Variants in HLA-DQA2 observed in about 807,000 individuals in gnomAD.
HLA-DQA2 encodes HLA class II histocompatibility antigen, DQ alpha 2 chain.
HLA-DQA2 carries 17 observed loss-of-function variants against 21.0 expected under a neutral mutation model. The ratio of observed to expected loss-of-function variants is 0.81; its 90% CI spans 0.56 to 1.22. The LOEUF (loss-of-function observed/expected upper bound fraction) is 1.22, where lower values mean the gene tolerates loss of function less well. Ranked by LOEUF, HLA-DQA2 falls within the 50% of genes most tolerant of loss-of-function variation. HLA-DQA2 has a pLI of 0.00. For missense variants in HLA-DQA2, 239 were observed against 308.8 expected (o/e 0.77, Z 1.69); for synonymous variants, 81 against 116.5 (o/e 0.70, Z 1.96).
intron 1 of HLA-DQA2, among the ~76,000 whole-genome samples, chr6:32,744,673 T>TG (rs373588886): frequency 1.1e-5 from 1 of 89,066 alleles, no homozygotes; most frequent in African/African-American, 4.3e-5. Context: ...TTCTTTGGTT[T>TG]AAAAAAAAAA....
rs756475269 is a variant in HLA-DQA2 at position 32,745,805 on chromosome 6, A to C, written c.346A>C (p.Thr116Pro). ...TAATNEVPEV[T>P]VFSKFPVTLG... The stretch of plus-strand genomic sequence containing the variant: ...CCTCACCACAGAGGTTCCTGAGGTC[A>C]CAGTGTTTTCCAAGTTTCCTGTGAC... Residue 116 changes from threonine (T) to proline (P), a missense_variant, in exon 3 of 5, where the codon ACA (threonine) becomes CCA (proline). Physicochemically the swap from Thr to Pro is conservative, Grantham distance 38 (BLOSUM62 -1). Coordinates refer to ENST00000374940, the MANE Select transcript of HLA-DQA2 (RefSeq NM_020056.5). The C allele has an allele frequency of 2.5e-6, 4 of 1,613,104 alleles. No individual in the cohort carries two copies. The highest frequency in any genetic ancestry group is 3.4e-6 in the Non-Finnish European group (4 of 1,180,040).
At chr6:32,743,914 C>A (rs16870693) in intron 1 of HLA-DQA2, among the ~76,000 whole-genome samples, 10,559 of 152,116 alleles carry the variant, frequency 0.069, 806 homozygotes, top group African/African-American at 0.18. Flanking sequence ...GTAGAAACCT[C>A]AAGGATGAAT....
intron 3 of HLA-DQA2, 69 bp downstream of exon 3, chr6:32,746,141 C>A: frequency 6.8e-7 from 1 of 1,462,620 alleles, no homozygotes; most frequent in East Asian, 3.0e-5. Context: ...AAGCCTGGGG[C>A]CTTGAGTCTT....
rs3040582 is a variant in HLA-DQA2, at chr6:32,747,183, C to CAAAAAAAAAAAAAAA, written c.*623_*637dup. ...GCTCAGAATGGTTATAGCAGAAATA[C>CAAAAAAAAAAAAAAA]AAAAAAAAAAAAAAAGTCTGTACTA... is the stretch of plus-strand genomic sequence containing the variant. On this transcript the variant is annotated 3_prime_UTR_variant, in exon 5 of 5. Transcript: ENST00000374940. 5 of 126,110 alleles carry CAAAAAAAAAAAAAAA rather than the reference C, an allele frequency of 4.0e-5. No homozygotes were observed. Among genetic ancestry groups the CAAAAAAAAAAAAAAA allele is most frequent in the East Asian group, 2.1e-4 (1 of 4,670 alleles). 7.8% of individuals were successfully genotyped at this position (126,110 alleles called of 1,614,324 possible).
rs1763625570 is a variant in HLA-DQA2, at chr6:32,746,714, C to T, written c.*153C>T. 1 of 593,456 alleles carries T rather than the reference C, an allele frequency of 1.7e-6. No homozygotes were observed. Among genetic ancestry groups the T allele is most frequent in the Non-Finnish European group, 3.2e-6 (1 of 317,130 alleles). The allele number at this position is 593,456 out of a possible 1,614,324, so 36.8% of individuals were successfully genotyped here. ...CACCTCTTCTCTGGGACTTAAGGTG[C>T]TATATTCCCTCAGAGCTCACAAATG... On this transcript the variant is annotated 3_prime_UTR_variant, in exon 5 of 5. Transcript: ENST00000374940.
At chr6:32,742,500 C>A (rs770547056) in intron 1 of HLA-DQA2, among the ~76,000 whole-genome samples, 1 of 152,200 alleles carries the variant, frequency 6.6e-6, no homozygotes, top group Non-Finnish European at 1.5e-5. Flanking sequence ...CCATCTCTGA[C>A]TCCCTGCTCC....
rs1763599932 is a variant in HLA-DQA2 at position 32,746,400 on chromosome 6, A to T, written c.*6A>T. 6.3e-7 allele frequency: 1 copy of T among 1,577,090 alleles called. No homozygotes were observed. Among genetic ancestry groups the T allele is most frequent in the Non-Finnish European group, 8.6e-7 (1 of 1,163,628 alleles). On this transcript the variant is annotated 3_prime_UTR_variant, in exon 4 of 5. Transcript: ENST00000374940. ...GACACCAAGGGCTCTTATGAATCCC[A>T]TCCTGAAAAGGAAGGTAAGATTGAG...
rs375416271 is a variant in HLA-DQA2 at position 32,745,153 on chromosome 6, C to T, written c.83-6C>T. 380 of 1,612,758 alleles carry T rather than the reference C, an allele frequency of 2.4e-4. 1 individual carries two copies. The African/African-American group carries it at 4.5e-3, about 19-fold the overall frequency. ...CACCCTCCTGCTTGTCACCTTCACT[C>T]GTCAGCTGACCATGTTGCCTCCTAT... is the stretch of plus-strand genomic sequence containing the variant. On this transcript the variant is annotated splice_polypyrimidine_tract_variant and splice_region_variant and intron_variant, in intron 1 of 4. Transcript: ENST00000374940.
intron 4 of HLA-DQA2, 35 bp from the exon 5 acceptor site, chr6:32,746,547 T>A: frequency 1.0e-6 from 1 of 967,226 alleles, no homozygotes; most frequent in Non-Finnish European, 1.6e-6. Context: ...AGGAGGCCCC[T>A]CAGACCCATC....
chr6:32,744,702 A>G (rs1204195899), intron 1 of HLA-DQA2, among the ~76,000 whole-genome samples: 1 of 151,826 alleles, frequency 6.6e-6, no homozygotes, highest in Non-Finnish European at 1.5e-5. Flanking sequence ...AACTCTGTGT[A>G]GAAAGTGTCC....
chr6:32,743,856 G>A (rs1325575088), intron 1 of HLA-DQA2, among the ~76,000 whole-genome samples: 2 of 152,102 alleles, frequency 1.3e-5, no homozygotes, highest in Non-Finnish European at 2.9e-5. Context: ...AGGTCACAAC[G>A]CGGTCAAAAA....
chr6:32,741,987 CT>C (rs35368813), intron 1 of HLA-DQA2, among the ~76,000 whole-genome samples: 2,257 of 152,278 alleles, frequency 0.015, 27 homozygotes, highest in Non-Finnish European at 0.021. Flanking sequence ...AGGTTCTTTT[CT>C]TTCTCTCAGA....
rs746116777 is a variant in HLA-DQA2 at position 32,745,421 on chromosome 6, A to G, written c.331+14A>G. 1.9e-6 allele frequency: 3 copies of G among 1,612,620 alleles called. No individual in the cohort carries two copies. In the African/African-American group the frequency reaches 4.0e-5, roughly 22 times the overall value. ...CTGCCACCAATGGTACGTGTCCACC[A>G]TTCCGCCTCTCTTTACTGAAACTAA... On this transcript the variant is annotated intron_variant, in intron 2 of 4. Transcript: ENST00000374940.
At chr6:32,745,063 C>G (rs1472122182) in intron 1 of HLA-DQA2, 96 bp from the exon 2 acceptor site, 1 of 1,404,384 alleles carries the variant, frequency 7.1e-7, no homozygotes, top group East Asian at 2.3e-5. Flanking sequence ...AAGATGAAGC[C>G]CATAATATTT....
chr6:32,746,184 C>G, intron 3 of HLA-DQA2, 56 bp from the exon 4 acceptor site: 1 of 1,579,876 alleles, frequency 6.3e-7, no homozygotes, highest in Non-Finnish European at 8.6e-7. Flanking sequence ...TCCCATCCCA[C>G]ACACATGCAC....
At chr6:32,745,439 G>A in intron 2 of HLA-DQA2, 32 bp downstream of exon 2, 1 of 1,597,424 alleles carries the variant, frequency 6.3e-7, no homozygotes, top group African/African-American at 1.4e-5. Context: ...TCTCTTTACT[G>A]AAACTAATCT....
Position 32,746,058 on chromosome 6 carries a change from T to C in HLA-DQA2, c.599T>C (p.Leu200Pro). The C allele has an allele frequency of 6.2e-7, 1 of 1,611,456 alleles. No homozygotes were observed. Among genetic ancestry groups the C allele is most frequent in the Non-Finnish European group, 8.5e-7 (1 of 1,179,414 alleles). ...GAGCACTGGGGCCTGGACGAGCCTC[T>C]TCTGAAACACTGGGGTAAGGATGAG... ...KVEHWGLDEP[L>P]LKHWEPEIPA... Residue 200 changes from leucine (L) to proline (P), a missense_variant, in exon 3 of 5, where the codon CTT (leucine) becomes CCT (proline). Coordinates refer to ENST00000374940, the MANE Select transcript of HLA-DQA2 (RefSeq NM_020056.5).
Position 32,745,347 on chromosome 6 carries a change from G to C in HLA-DQA2, c.271G>C (p.Val91Leu). Reference sequence around the variant, plus strand: ...GCAGAGTGCACTGAGAAATATGGCTGTGGGAAAACACACCTTGGAATTCAT... The same window carrying C: ...GCAGAGTGCACTGAGAAATATGGCTCTGGGAAAACACACCTTGGAATTCAT... ...DPQSALRNMA[V>L]GKHTLEFMMR... The change falls in exon 2 of 5, where the codon GTG (valine) becomes CTG (leucine). Residue 91 changes from valine (V) to leucine (L), a missense_variant. Physicochemically the swap from Val to Leu is conservative, Grantham distance 32. Transcript: ENST00000374940. 1.3e-6 allele frequency: 2 copies of C among 1,586,218 alleles called. No individual in the cohort carries two copies. Among genetic ancestry groups the C allele is most frequent in the Non-Finnish European group, 1.7e-6 (2 of 1,164,682 alleles).
chr6:32,745,258 A>G lies in HLA-DQA2; in HGVS notation c.182A>G (p.Asp61Gly), dbSNP rs764889640. The G allele has an allele frequency of 6.2e-7, 1 of 1,613,980 alleles. No individual in the cohort carries two copies. ...GATGGAGACGAGGAGTTCTATGTGG[A>G]CCTGGAGACGAAAGAGACTGTCTGG... ...EFDGDEEFYV[D>G]LETKETVWQL... Residue 61 changes from aspartate (D) to glycine (G), a missense_variant, in exon 2 of 5, where the codon GAC (aspartate) becomes GGC (glycine). Asp to Gly is a moderately conservative substitution (Grantham distance 94, BLOSUM62 -1). Coordinates refer to ENST00000374940, the MANE Select transcript of HLA-DQA2 (RefSeq NM_020056.5).
Sources: allele counts gnomAD v4.1 joint callset (sites outside exome capture counted in the v4.1 genomes callset), GRCh38; gene constraint gnomAD v4.1.1; transcripts MANE v1.5; gene names NCBI Gene and HGNC (gene_info 2026-07-23, HGNC 2026-07-21).